Variants in BRAF observed in about 807,000 individuals in gnomAD.
The protein encoded by BRAF is serine/threonine-protein kinase B-raf.
BRAF carries 16 observed loss-of-function variants against 104.6 expected under a neutral mutation model. That is an observed-to-expected ratio of 0.15 (90% CI 0.10 to 0.23). The LOEUF (loss-of-function observed/expected upper bound fraction) is 0.23, where lower values mean the gene tolerates loss of function less well. Among genes scored for constraint, BRAF ranks in the 10% least tolerant of loss-of-function variants. BRAF has a pLI of 1.00. For missense variants in BRAF, 541 were observed against 937.3 expected, an observed-to-expected ratio of 0.58 and a Z score of 5.52; for synonymous variants, 310 against 341.6, an observed-to-expected ratio of 0.91 and a Z score of 1.02.
intron 2 of BRAF, among the ~76,000 whole-genome samples, chr7:140,841,162 C>T (rs1807922247): frequency 6.6e-6 from 1 of 152,040 alleles, no homozygotes; most frequent in Admixed American, 6.6e-5. Flanking sequence ...CATTAGGAAA[C>T]TGCAAATCAA....
At chr7:140,921,913 A>T (rs1260707292) in intron 1 of BRAF, among the ~76,000 whole-genome samples, 1 of 152,174 alleles carries the variant, frequency 6.6e-6, no homozygotes, top group African/African-American at 2.4e-5. Context: ...GCAGTAAAAG[A>T]TCCCTTTAAG....
chr7:140,726,343 T>G lies in BRAF; in HGVS notation c.*151A>C. 1 of 1,438,674 alleles carries G rather than the reference T, an allele frequency of 7.0e-7. No individual in the cohort carries two copies. The highest frequency in any genetic ancestry group is 2.9e-5 in the Admixed American group (1 of 34,716). The allele number at this position is 1,438,674 out of a possible 1,614,324, so 89.1% of individuals were successfully genotyped here. A position where few individuals can be genotyped will look rare whatever the true frequency, so the allele number is the denominator to read the frequency against. ...AAACATTCTTTCCTCTTTTGTTGGA[T>G]GGGAAATTCCATTCTGTTCCACATC... is the stretch of plus-strand genomic sequence containing the variant. On this transcript the variant is annotated 3_prime_UTR_variant, in exon 20 of 20. Coordinates refer to ENST00000644969, the MANE Select transcript of BRAF (RefSeq NM_001374258.1).
At chr7:140,832,924 A>G (rs1387813011) in intron 3 of BRAF, among the ~76,000 whole-genome samples, 3 of 143,962 alleles carry the variant, frequency 2.1e-5, no homozygotes, top group Non-Finnish European at 4.5e-5. Context: ...CCCAGGCTGG[A>G]GTGCAGTGGC....
At chr7:140,732,487 C>T (rs1002325250) in intron 19 of BRAF, 6 of 152,112 alleles carry the variant, frequency 3.9e-5, no homozygotes, top group African/African-American at 1.4e-4. Context: ...TGTCACCTGT[C>T]ACATTTTTAA....
chr7:140,798,206 A>C (rs1353628465), intron 7 of BRAF, among the ~76,000 whole-genome samples: 1 of 151,870 alleles, frequency 6.6e-6, no homozygotes, highest in African/African-American at 2.4e-5. Context: ...ACTGACAATA[A>C]ATATTTCTAA....
intron 16 of BRAF, 129 bp from the exon 16 acceptor site, chr7:140,749,547 AAT>A: frequency 1.0e-6 from 1 of 989,030 alleles, no homozygotes; most frequent in Non-Finnish European, 1.5e-6. Flanking sequence ...CAATTCTCTT[AAT>A]AGTCAAAGAA....
At chr7:140,767,504 G>C (rs1475562955) in intron 14 of BRAF, among the ~76,000 whole-genome samples, 1 of 152,114 alleles carries the variant, frequency 6.6e-6, no homozygotes, top group African/African-American at 2.4e-5. Context: ...TGTCATAATG[G>C]TTACTTCCAA....
intron 7 of BRAF, among the ~76,000 whole-genome samples, chr7:140,798,558 C>G (rs1002419008): frequency 7.0e-6 from 1 of 142,640 alleles, no homozygotes; most frequent in African/African-American, 2.7e-5. Context: ...CCGCGCCCGG[C>G]CTTTTTTTTT....
chr7:140,828,221 G>C (rs1185150612), intron 3 of BRAF, among the ~76,000 whole-genome samples: 5 of 152,140 alleles, frequency 3.3e-5, no homozygotes, highest in African/African-American at 4.8e-5. Flanking sequence ...GATTTTCATA[G>C]ATTATGAAAT....
intron 16 of BRAF, among the ~76,000 whole-genome samples, chr7:140,750,849 T>G (rs1797731791): frequency 6.6e-6 from 1 of 152,234 alleles, no homozygotes; most frequent in African/African-American, 2.4e-5. Context: ...GATGAAAAGT[T>G]GCATGTCACC....
At chr7:140,922,987 C>A (rs1388744166) in intron 1 of BRAF, among the ~76,000 whole-genome samples, 2 of 151,980 alleles carry the variant, frequency 1.3e-5, no homozygotes, top group Non-Finnish European at 2.9e-5. Context: ...TGAGAGGAAA[C>A]TGATCTAAGC....
chr7:140,783,615 A>AT (rs1408329236), intron 10 of BRAF, among the ~76,000 whole-genome samples: 5 of 152,190 alleles, frequency 3.3e-5, no homozygotes, highest in African/African-American at 1.2e-4. Flanking sequence ...AGATGGAAAC[A>AT]TTTTCTAATA....
chr7:140,846,067 T>C (rs980171377), intron 2 of BRAF, among the ~76,000 whole-genome samples: 1 of 152,010 alleles, frequency 6.6e-6, no homozygotes, highest in African/African-American at 2.4e-5. Context: ...AGTAGGAATA[T>C]AAAACAGGGC....
At chr7:140,795,680 CATATT>C (rs1165725712) in intron 7 of BRAF, among the ~76,000 whole-genome samples, 6 of 152,198 alleles carry the variant, frequency 3.9e-5, no homozygotes, top group Non-Finnish European at 7.4e-5. Flanking sequence ...TTCTTTGAAG[CATATT>C]ATTAAAGATA....
intron 1 of BRAF, among the ~76,000 whole-genome samples, chr7:140,881,228 A>G (rs1299233055): frequency 6.6e-6 from 1 of 152,174 alleles, no homozygotes; most frequent in Non-Finnish European, 1.5e-5. Flanking sequence ...GGGCCCTAGG[A>G]TTTTTGGAAT....
At chr7:140,831,651 G>T (rs1806763589) in intron 3 of BRAF, among the ~76,000 whole-genome samples, 1 of 152,098 alleles carries the variant, frequency 6.6e-6, no homozygotes, top group Non-Finnish European at 1.5e-5. Flanking sequence ...GGGGACTCAG[G>T]ACTCAGCAAC....
At chr7:140,751,178 A>T (rs190847247) in intron 16 of BRAF, among the ~76,000 whole-genome samples, 1 of 152,322 alleles carries the variant, frequency 6.6e-6, no homozygotes, top group East Asian at 1.9e-4. Context: ...TCAACAAAAA[A>T]TTAATTGTAA....
chr7:140,719,591 G>A lies in BRAF; in HGVS notation c.*6903C>T, dbSNP rs1165259345. ...GACCTGAGCAGGAAAGAGAACCAAA[G>A]TATCAGGAAGTGGGTATGGGGGAGA... On this transcript the variant is annotated 3_prime_UTR_variant, in exon 20 of 20. Coordinates refer to ENST00000644969, the MANE Select transcript of BRAF (RefSeq NM_001374258.1). 1.2e-5 allele frequency: 13 copies of A among 1,059,290 alleles called. No homozygotes were observed. The highest frequency in any genetic ancestry group is 1.6e-5 in the African/African-American group (1 of 60,752). 65.6% of individuals were successfully genotyped at this position (1,059,290 alleles called of 1,614,324 possible).
chr7:140,867,352 G>T (rs1214976510), intron 1 of BRAF, among the ~76,000 whole-genome samples: 1 of 152,186 alleles, frequency 6.6e-6, no homozygotes, highest in Non-Finnish European at 1.5e-5. Flanking sequence ...ATAGCATGAA[G>T]GCAGGTTAGA....
Sources: gnomAD v4.1 joint callset for allele counts (sites outside exome capture counted in the v4.1 genomes callset) on GRCh38, gnomAD v4.1.1 for gene constraint, MANE v1.5 for transcripts, NCBI Gene and HGNC (gene_info 2026-07-23, HGNC 2026-07-21) for gene names.